MTTP: variants seen among roughly 807,000 people sequenced by gnomAD.
MTTP encodes microsomal triglyceride transfer protein large subunit.
A neutral mutation model predicts 90.6 loss-of-function variants in MTTP; 49 were observed. The observed-to-expected ratio is 0.54, with a 90% CI of 0.43 to 0.69. MTTP has a LOEUF of 0.69. MTTP is among the 30% of genes least tolerant of loss of function. MTTP has a pLI of 0.00. For synonymous variants in MTTP, 347 were observed against 384.2 expected, an observed-to-expected ratio of 0.90 and a Z score of 1.13; for missense variants, 945 against 1,067.5, an observed-to-expected ratio of 0.89 and a Z score of 1.60.
chr4:99,612,968 G>C lies in MTTP; in HGVS notation c.2045G>C (p.Gly682Ala). 3 of 1,614,014 alleles carry C rather than the reference G, an allele frequency of 1.9e-6. No individual in the cohort carries two copies. Among genetic ancestry groups the C allele is most frequent in the Non-Finnish European group, 2.5e-6 (3 of 1,179,946 alleles). Residue 682 changes from glycine (G) to alanine (A), a missense_variant, in exon 15 of 18, where the codon GGG becomes GCG. Coordinates refer to ENST00000265517, the MANE Select transcript of MTTP (RefSeq NM_001386140.1). ...EALIAATPDE[G>A]EENLDSYAGM... ...TTAATCGCAGCCACCCCTGACGAGGGGGAGGAGAACCTTGACTCCTATGCT... is the reference window on the plus strand; with the variant it reads ...TTAATCGCAGCCACCCCTGACGAGGCGGAGGAGAACCTTGACTCCTATGCT...
exon 1 of MTTP, chr4:99,564,218 G>A (rs1724599293): frequency 8.5e-6 from 13 of 1,535,478 alleles, no homozygotes; most frequent in Non-Finnish European, 9.6e-6. Flanking sequence ...CTGCAGACGT[G>A]TATTCATTCA....
At chr4:99,588,786 CACAT>C (rs1481224254) in intron 3 of MTTP, among the ~76,000 whole-genome samples, 23 of 40,836 alleles carry the variant, frequency 5.6e-4, no homozygotes, top group Non-Finnish European at 8.5e-4. Flanking sequence ...TATATATACA[CACAT>C]ATATATATGT....
intron 14 of MTTP, among the ~76,000 whole-genome samples, chr4:99,612,273 G>A (rs1024954849): frequency 5.9e-5 from 9 of 152,076 alleles, no homozygotes; most frequent in Non-Finnish European, 1.3e-4. Context: ...AAACATCCAG[G>A]GGTTAAAGGG....
intron 6 of MTTP, among the ~76,000 whole-genome samples, chr4:99,593,568 G>T (rs1022675689): frequency 1.4e-4 from 21 of 152,076 alleles, no homozygotes; most frequent in African/African-American, 5.1e-4. Context: ...TAGAGTTTCT[G>T]TTATTTTCAG....
chr4:99,615,988 C>G (rs1726089432), intron 15 of MTTP, among the ~76,000 whole-genome samples: 1 of 152,154 alleles, frequency 6.6e-6, no homozygotes, highest in South Asian at 2.1e-4. Flanking sequence ...AACCTATGCT[C>G]TCTCTCTCTT....
chr4:99,564,354 AT>A, intron 1 of MTTP: 1 of 990,724 alleles, frequency 1.0e-6, no homozygotes, highest in South Asian at 2.0e-5. Context: ...TGCCTATATT[AT>A]TTTTAATTTA....
intron 15 of MTTP, among the ~76,000 whole-genome samples, chr4:99,615,144 A>G (rs1400134267): frequency 6.6e-6 from 1 of 152,170 alleles, no homozygotes; most frequent in African/African-American, 2.4e-5. Flanking sequence ...TAAAACCATG[A>G]GGAGTAATCT....
At chr4:99,602,209 T>C (rs113911713) in intron 10 of MTTP, among the ~76,000 whole-genome samples, 15,873 of 152,184 alleles carry the variant, frequency 0.1, 997 homozygotes, top group Middle Eastern at 0.2. Flanking sequence ...TTAGTTACTT[T>C]TAATCACAGA....
intron 12 of MTTP, 57 bp downstream of exon 12, chr4:99,609,034 G>T (rs1207007743): frequency 4.1e-6 from 6 of 1,448,392 alleles, no homozygotes; most frequent in Non-Finnish European, 5.8e-6. Context: ...GTGTTCATGG[G>T]GTACCGATGT....
chr4:99,601,002 C>T (rs1259425603), intron 9 of MTTP, among the ~76,000 whole-genome samples: 2 of 151,984 alleles, frequency 1.3e-5, no homozygotes, highest in Non-Finnish European at 2.9e-5. Context: ...TAGCATAGGA[C>T]AGAATTTCAG....
chr4:99,581,664 C>T (rs1182379405), intron 1 of MTTP, among the ~76,000 whole-genome samples: 3 of 152,132 alleles, frequency 2.0e-5, no homozygotes, highest in Middle Eastern at 3.4e-3. Flanking sequence ...ATGGCACTAT[C>T]GGATAAGTGA....
upstream of MTTP, chr4:99,574,751 TC>T: frequency 6.6e-7 from 1 of 1,526,270 alleles, no homozygotes; most frequent in Non-Finnish European, 8.9e-7. Context: ...TGAACTTAGG[TC>T]CTGATTTTGG....
At chr4:99,608,537 A>G (rs2110229946) in intron 11 of MTTP, among the ~76,000 whole-genome samples, 1 of 152,360 alleles carries the variant, frequency 6.6e-6, no homozygotes, top group Non-Finnish European at 1.5e-5. Context: ...AAAGAGATGG[A>G]GAAAGCCACC....
At chr4:99,598,406 A>G (rs1011980101) in intron 8 of MTTP, among the ~76,000 whole-genome samples, 2 of 152,190 alleles carry the variant, frequency 1.3e-5, no homozygotes, top group African/African-American at 4.8e-5. Flanking sequence ...ATAATTAGGT[A>G]TTAATTTAGA....
intron 10 of MTTP, among the ~76,000 whole-genome samples, 160 bp downstream of exon 10, chr4:99,601,874 G>A (rs1419349349): frequency 2.0e-5 from 3 of 151,914 alleles, no homozygotes; most frequent in African/African-American, 7.3e-5. Context: ...TTAAAATTCA[G>A]TCATTTATTA....
At chr4:99,602,245 C>T (rs76564762) in intron 10 of MTTP, among the ~76,000 whole-genome samples, 12,338 of 152,088 alleles carry the variant, frequency 0.081, 549 homozygotes, top group Middle Eastern at 0.099. Flanking sequence ...TTTTCAATTT[C>T]ATTTGCCTAA....
At chr4:99,582,186 A>G in intron 2 of MTTP, 94 bp downstream of exon 2, 1 of 1,293,556 alleles carries the variant, frequency 7.7e-7, no homozygotes, top group Non-Finnish European at 1.1e-6. Context: ...GTTCCCGTTT[A>G]TAAATCCATT....
chr4:99,579,935 G>C (rs1725062420), intron 1 of MTTP, among the ~76,000 whole-genome samples: 1 of 151,116 alleles, frequency 6.6e-6, no homozygotes, highest in Non-Finnish European at 1.5e-5. Context: ...TACTCAGAAG[G>C]CTGAGGTGGG....
chr4:99,582,213 A>T, intron 2 of MTTP, 121 bp downstream of exon 2: 1 of 1,028,186 alleles, frequency 9.7e-7, no homozygotes, highest in East Asian at 2.4e-5. Context: ...CTTATCTATC[A>T]CTAAAACAAG....
Sources: gnomAD v4.1 joint callset for allele counts (sites outside exome capture counted in the v4.1 genomes callset) on GRCh38, gnomAD v4.1.1 for gene constraint, MANE v1.5 for transcripts, NCBI Gene and HGNC (gene_info 2026-07-23, HGNC 2026-07-21) for gene names.